The following PTPRR variants were observed in gnomAD, a reference collection of about 807,000 sequenced individuals.
PTPRR encodes the protein protein tyrosine phosphatase receptor type R.
A neutral mutation model predicts 77.2 loss-of-function variants in PTPRR; 38 were observed. The ratio of observed to expected loss-of-function variants is 0.49; its 90% CI spans 0.38 to 0.65. The LOEUF (loss-of-function observed/expected upper bound fraction) is 0.65, where lower values mean the gene tolerates loss of function less well. Ranked by LOEUF, PTPRR falls within the 30% of genes least tolerant of loss-of-function variation. PTPRR has a pLI of 0.00. For missense variants in PTPRR, 744 were observed against 799.2 expected, an observed-to-expected ratio of 0.93 and a Z score of 0.83; for synonymous variants, 299 against 283.1, an observed-to-expected ratio of 1.06 and a Z score of -0.57.
At chr12:70,677,817 T>C (rs1887503045) in intron 10 of PTPRR, among the ~76,000 whole-genome samples, 1 of 152,234 alleles carries the variant, frequency 6.6e-6, no homozygotes, top group Admixed American at 6.5e-5. Context: ...GGTTTACTAA[T>C]ATTTTATGAG....
intron 2 of PTPRR, among the ~76,000 whole-genome samples, chr12:70,806,321 T>C (rs1216111029): frequency 6.6e-6 from 1 of 152,168 alleles, no homozygotes; most frequent in Non-Finnish European, 1.5e-5. Context: ...TAGGAGACAT[T>C]GTGTGGCTAC....
intron 2 of PTPRR, among the ~76,000 whole-genome samples, chr12:70,853,145 G>A (rs983194263): frequency 6.6e-6 from 1 of 152,106 alleles, no homozygotes; most frequent in African/African-American, 2.4e-5. Context: ...ATAATAATGA[G>A]GAGAATAATT....
intron 2 of PTPRR, among the ~76,000 whole-genome samples, chr12:70,830,617 T>C (rs945620112): frequency 3.3e-5 from 5 of 152,236 alleles, no homozygotes; most frequent in Admixed American, 1.3e-4. Context: ...GCTTTCATTA[T>C]ATTTTAAGCT....
At chr12:70,642,938 A>G (rs1886060920) in intron 13 of PTPRR, among the ~76,000 whole-genome samples, 1 of 152,146 alleles carries the variant, frequency 6.6e-6, no homozygotes, top group South Asian at 2.1e-4. Flanking sequence ...CTCGAGCCCA[A>G]AGTGGGAGGA....
At chr12:70,846,354 TG>T (rs1485137919) in intron 2 of PTPRR, among the ~76,000 whole-genome samples, 1 of 152,154 alleles carries the variant, frequency 6.6e-6, no homozygotes, top group Non-Finnish European at 1.5e-5. Context: ...GGAGGCAGAC[TG>T]GCATCTCACC....
At chr12:70,918,055 T>C (rs1592832844) in intron 1 of PTPRR, among the ~76,000 whole-genome samples, 1 of 152,348 alleles carries the variant, frequency 6.6e-6, no homozygotes, top group Middle Eastern at 3.4e-3. Flanking sequence ...CAAGTAGAGA[T>C]TAATATCTTG....
intron 2 of PTPRR, among the ~76,000 whole-genome samples, chr12:70,800,265 TCTC>T (rs1188599218): frequency 6.1e-5 from 9 of 147,660 alleles, no homozygotes; most frequent in South Asian, 2.1e-4. Context: ...TACTGTTCTC[TCTC>T]TTTTTTTTTT....
At chr12:70,743,599 T>C (rs1890120425) in intron 6 of PTPRR, among the ~76,000 whole-genome samples, 1 of 152,064 alleles carries the variant, frequency 6.6e-6, no homozygotes, top group African/African-American at 2.4e-5. Flanking sequence ...GTGGAGAGAA[T>C]AGTCTTTTCC....
intron 2 of PTPRR, among the ~76,000 whole-genome samples, chr12:70,773,093 C>T (rs1458659184): frequency 6.6e-6 from 1 of 152,092 alleles, no homozygotes; most frequent in African/African-American, 2.4e-5. Context: ...TTGGCTTTCT[C>T]CTCCCTGTGT....
At chr12:70,768,546 C>A (rs1890886450) in intron 2 of PTPRR, among the ~76,000 whole-genome samples, 1 of 152,076 alleles carries the variant, frequency 6.6e-6, no homozygotes, top group Non-Finnish European at 1.5e-5. Flanking sequence ...GAGTCCAGGA[C>A]CAGATGGATT....
intron 6 of PTPRR, among the ~76,000 whole-genome samples, chr12:70,705,919 T>C (rs552070228): frequency 3.3e-5 from 5 of 152,214 alleles, no homozygotes; most frequent in Admixed American, 2.0e-4. Context: ...CTGACAATCT[T>C]GGCTTGATCA....
At chr12:70,658,103 A>C (rs1164856483) in intron 12 of PTPRR, among the ~76,000 whole-genome samples, 2 of 152,204 alleles carry the variant, frequency 1.3e-5, no homozygotes, top group African/African-American at 2.4e-5. Flanking sequence ...AATGTGACTA[A>C]CTTTCAAGCC....
chr12:70,656,919 G>T, intron 12 of PTPRR, 102 bp from the exon 13 acceptor site: 1 of 567,568 alleles, frequency 1.8e-6, no homozygotes, highest in Non-Finnish European at 3.0e-6. Flanking sequence ...ACAGTTAAAA[G>T]TAGTATTCAC....
chr12:70,813,616 G>A (rs1046733135), intron 2 of PTPRR, among the ~76,000 whole-genome samples: 1 of 152,170 alleles, frequency 6.6e-6, no homozygotes, highest in Non-Finnish European at 1.5e-5. Context: ...TGAAGCAAAA[G>A]TTTTCAGATG....
At chr12:70,899,777 A>G (rs1439691395) in intron 1 of PTPRR, among the ~76,000 whole-genome samples, 1 of 151,408 alleles carries the variant, frequency 6.6e-6, no homozygotes, top group Non-Finnish European at 1.5e-5. Flanking sequence ...ATGATTGTCT[A>G]TATAAAAAAT....
chr12:70,858,090 G>A (rs1326395744), intron 2 of PTPRR, among the ~76,000 whole-genome samples: 1 of 152,096 alleles, frequency 6.6e-6, no homozygotes, highest in Admixed American at 6.6e-5. Context: ...GGCCATTCCT[G>A]TCCATTGAGA....
chr12:70,790,859 A>G (rs1448708301), intron 2 of PTPRR, among the ~76,000 whole-genome samples: 3 of 152,048 alleles, frequency 2.0e-5, no homozygotes, highest in Admixed American at 2.0e-4. Context: ...AGAGACAAAA[A>G]ACAAAAACAA....
chr12:70,764,833 T>A, intron 2 of PTPRR, 55 bp from the exon 3 acceptor site: 1 of 1,274,002 alleles, frequency 7.8e-7, no homozygotes, highest in Non-Finnish European at 1.1e-6. Context: ...TGTATAGATG[T>A]ATAGAATACA....
chr12:70,781,554 G>A (rs1891203128), intron 2 of PTPRR, among the ~76,000 whole-genome samples: 1 of 152,188 alleles, frequency 6.6e-6, no homozygotes, highest in Non-Finnish European at 1.5e-5. Flanking sequence ...CCATATAGGT[G>A]CATTCTGTAC....
Sources: gnomAD v4.1 joint callset for allele counts (sites outside exome capture counted in the v4.1 genomes callset) on GRCh38, gnomAD v4.1.1 for gene constraint, MANE v1.5 for transcripts, NCBI Gene and HGNC (gene_info 2026-07-23, HGNC 2026-07-21) for gene names.